UBE2D2: variants seen among roughly 807,000 people sequenced by gnomAD.
UBE2D2 encodes the protein ubiquitin conjugating enzyme E2 D2.
UBE2D2 carries 2 observed loss-of-function variants against 24.2 expected under a neutral mutation model. That is an observed-to-expected ratio of 0.08 (90% CI 0.03 to 0.26). The LOEUF (loss-of-function observed/expected upper bound fraction) is 0.26. UBE2D2 is among the 10% of genes least tolerant of loss of function. The probability of loss-of-function intolerance (pLI) is 1.00; values close to 1 mark genes in which losing one functional copy is unlikely to be tolerated. For missense variants in UBE2D2, 44 were observed against 177.6 expected, an observed-to-expected ratio of 0.25 and a Z score of 4.28; for synonymous variants, 58 against 56.5, an observed-to-expected ratio of 1.03 and a Z score of -0.12.
intron 1 of UBE2D2, among the ~76,000 whole-genome samples, chr5:139,536,305 G>T (rs367761023): frequency 3.3e-5 from 5 of 151,270 alleles, no homozygotes; most frequent in African/African-American, 1.2e-4. Context: ...CTCCACATTG[G>T]TCAGGCTGGT....
At chr5:139,589,929 T>A (rs533671316) in intron 1 of UBE2D2, among the ~76,000 whole-genome samples, 1 of 151,776 alleles carries the variant, frequency 6.6e-6, no homozygotes, top group African/African-American at 2.4e-5. Flanking sequence ...GGACTACAGG[T>A]GCCCGCCACC....
intron 1 of UBE2D2, 41 bp downstream of exon 1, chr5:139,561,856 C>A: frequency 6.8e-7 from 1 of 1,460,196 alleles, no homozygotes; most frequent in Admixed American, 2.7e-5. Context: ...GCCAGCTGAG[C>A]AGGCTGCGGC....
chr5:139,547,066 G>A lies in UBE2D2; in HGVS notation c.-64+20454G>A, dbSNP rs1023756637. ...AGCATTTTGGGAGGCTGATACGGGC[G>A]GATCACGAGGTCAGGAGATCAAGAC... On this transcript the variant is annotated intron_variant, in intron 1 of 6. Coordinates refer to the UBE2D2 transcript ENST00000511725. Among the ~76,000 whole-genome samples, 30 of 151,626 alleles carry A rather than the reference G, an allele frequency of 2.0e-4. 1 individual carries two copies. The highest frequency in any genetic ancestry group is 7.0e-4 in the African/African-American group (29 of 41,314).
chr5:139,535,405 G>A (rs1432626434), intron 1 of UBE2D2, among the ~76,000 whole-genome samples: 4 of 152,094 alleles, frequency 2.6e-5, no homozygotes, highest in South Asian at 2.1e-4. Flanking sequence ...GCAGTGAGCC[G>A]AGATCGCGCC....
At chr5:139,563,126 C>G (rs1373987440) in intron 1 of UBE2D2, among the ~76,000 whole-genome samples, 1 of 152,084 alleles carries the variant, frequency 6.6e-6, no homozygotes, top group Non-Finnish European at 1.5e-5. Flanking sequence ...GTTATCCATT[C>G]TGAATGATGG....
chr5:139,590,785 T>C (rs867547104), intron 1 of UBE2D2, among the ~76,000 whole-genome samples: 201 of 114,466 alleles, frequency 1.8e-3, no homozygotes, highest in African/African-American at 7.0e-3. Flanking sequence ...TCTTCTTCTT[T>C]TTTTTTTTTT....
intron 1 of UBE2D2, among the ~76,000 whole-genome samples, chr5:139,543,403 A>G (rs1485063155): frequency 6.6e-6 from 1 of 152,106 alleles, no homozygotes; most frequent in East Asian, 1.9e-4. Context: ...CTTTATATCC[A>G]TCTCTTTGGC....
intron 1 of UBE2D2, among the ~76,000 whole-genome samples, chr5:139,527,603 G>T (rs539717727): frequency 6.6e-6 from 1 of 152,142 alleles, no homozygotes; most frequent in Admixed American, 6.5e-5. Context: ...ATAAAGGGGA[G>T]AGGCAGAATT....
At chr5:139,547,419 T>C (rs1192021142) in intron 1 of UBE2D2, among the ~76,000 whole-genome samples, 1 of 152,166 alleles carries the variant, frequency 6.6e-6, no homozygotes, top group African/African-American at 2.4e-5. Flanking sequence ...TTTCACCATA[T>C]TGGCCAGGAT....
chr5:139,585,079 T>C (rs987512708), intron 1 of UBE2D2, among the ~76,000 whole-genome samples: 1 of 151,754 alleles, frequency 6.6e-6, no homozygotes, highest in Non-Finnish European at 1.5e-5. Flanking sequence ...TTTGTATTTT[T>C]AGTAGAGACA....
intron 1 of UBE2D2, among the ~76,000 whole-genome samples, chr5:139,526,898 T>C (rs953885830): frequency 1.3e-5 from 2 of 152,208 alleles, no homozygotes; most frequent in Non-Finnish European, 2.9e-5. Flanking sequence ...AGATTTTGAA[T>C]TTCATGATTT....
intron 1 of UBE2D2, among the ~76,000 whole-genome samples, chr5:139,576,752 C>T (rs889050197): frequency 1.3e-5 from 2 of 152,074 alleles, no homozygotes; most frequent in African/African-American, 4.8e-5. Context: ...GTGCTCCCAT[C>T]TCTAAGCTTA....
intron 1 of UBE2D2, among the ~76,000 whole-genome samples, chr5:139,596,742 A>AAATAATAAT (rs371259673): frequency 6.6e-6 from 1 of 151,108 alleles, no homozygotes; most frequent in African/African-American, 2.4e-5. Flanking sequence ...CTCTGCATTA[A>AAATAATAAT]AATAATAATA....
intron 1 of UBE2D2, among the ~76,000 whole-genome samples, chr5:139,548,190 A>AAAAAAAAT: frequency 2.1e-5 from 1 of 47,270 alleles, no homozygotes; most frequent in Non-Finnish European, 3.6e-5. Flanking sequence ...AAAATAAAAA[A>AAAAAAAAT]AAAAAATAAA....
rs1240209032 is a variant in UBE2D2 at position 139,588,254 on chromosome 5, T to TG, written c.25-12118_25-12117insG. On this transcript the variant is annotated intron_variant, in intron 1 of 6. Coordinates refer to ENST00000398733, the MANE Select transcript of UBE2D2 (RefSeq NM_003339.3). ...CTGCCTTGCCTTGTTTAGCGTTTTTTTTTTTGTTTTGTTTTGTTTTGTTTT... is the reference window on the plus strand; with the variant it reads ...CTGCCTTGCCTTGTTTAGCGTTTTTTGTTTTTGTTTTGTTTTGTTTTGTTTT... Among the ~76,000 whole-genome samples, 396 of 152,176 alleles carry TG rather than the reference T, an allele frequency of 2.6e-3. 1 individual carries two copies. The highest frequency in any genetic ancestry group is 9.0e-3 in the African/African-American group (372 of 41,524).
intron 1 of UBE2D2, among the ~76,000 whole-genome samples, chr5:139,534,382 C>T (rs1449980121): frequency 1.1e-4 from 16 of 152,056 alleles, no homozygotes; most frequent in East Asian, 1.9e-4. Flanking sequence ...CTGGCTAACA[C>T]GGTGAAACCT....
At chr5:139,570,607 G>A (rs1027328809) in intron 1 of UBE2D2, among the ~76,000 whole-genome samples, 2 of 152,212 alleles carry the variant, frequency 1.3e-5, no homozygotes, top group South Asian at 4.1e-4. Flanking sequence ...TGCCTCCTGA[G>A]TTCAAGCAAT....
At chr5:139,577,127 C>G (rs1753490129) in intron 1 of UBE2D2, among the ~76,000 whole-genome samples, 1 of 151,998 alleles carries the variant, frequency 6.6e-6, no homozygotes, top group African/African-American at 2.4e-5. Context: ...CGTGGTCAGA[C>G]TCATCATTTT....
At chr5:139,592,074 C>G (rs546703178) in intron 1 of UBE2D2, among the ~76,000 whole-genome samples, 2 of 152,112 alleles carry the variant, frequency 1.3e-5, no homozygotes, top group South Asian at 2.1e-4. Context: ...TGGTGGCGGG[C>G]GCCTGTAATC....
Sources: allele counts gnomAD v4.1 joint callset (sites outside exome capture counted in the v4.1 genomes callset), GRCh38; gene constraint gnomAD v4.1.1; transcripts MANE v1.5; gene names NCBI Gene and HGNC (gene_info 2026-07-23, HGNC 2026-07-21).